PIK3C2B: variants seen among roughly 807,000 people sequenced by gnomAD.
The protein encoded by PIK3C2B is phosphatidylinositol-4-phosphate 3-kinase catalytic subunit type 2 beta.
PIK3C2B carries 83 observed loss-of-function variants against 184.3 expected under a neutral mutation model. That is an observed-to-expected ratio of 0.45 (90% CI 0.38 to 0.54). PIK3C2B has a LOEUF of 0.54. PIK3C2B is among the 20% of genes least tolerant of loss of function. The pLI is 0.00. For missense variants in PIK3C2B, 1,736 were observed against 2,113.5 expected (o/e 0.82, Z 3.50); for synonymous variants, 779 against 837.6 (o/e 0.93, Z 1.21).
rs188874209 is a variant in PIK3C2B, at chr1:204,433,207, A to G, written c.3953+109T>C. 34 of 640,104 alleles carry G rather than the reference A, an allele frequency of 5.3e-5. No homozygotes were observed. Among genetic ancestry groups the G allele is most frequent in the Admixed American group, 1.1e-4 (4 of 35,586 alleles). The allele number at this position is 640,104 out of a possible 1,614,324, so 39.7% of individuals were successfully genotyped here. On this transcript the variant is annotated intron_variant, in intron 26 of 32. Coordinates refer to ENST00000684373, the MANE Select transcript of PIK3C2B (RefSeq NM_001377334.1). The surrounding 1 kb of genome is among the most constrained non-coding windows in gnomAD (Gnocchi z 5.0). ...ATCCACGTGGTCAGCTCTAGGCTCTAGCATCTGAGCTAAGCTTTTCACCTT... is the reference window on the plus strand; with the variant it reads ...ATCCACGTGGTCAGCTCTAGGCTCTGGCATCTGAGCTAAGCTTTTCACCTT...
At chr1:204,464,362 C>A in intron 4 of PIK3C2B, 88 bp downstream of exon 4, 1 of 1,341,840 alleles carries the variant, frequency 7.5e-7, no homozygotes, top group South Asian at 1.4e-5. Flanking sequence ...ATCTGGGCCA[C>A]AAGATGAGGT....
Position 204,479,884 on chromosome 1 carries a change from T to C in PIK3C2B, c.-84-9998A>G, listed in dbSNP as rs1189956369. On this transcript the variant is annotated intron_variant, in intron 1 of 32. Transcript: ENST00000684373. ...AGTCCATAAAGCAAGTCCCAGCTGT[T>C]CCCATCCAGCCAGGGCACCAAAGTG... Among the ~76,000 whole-genome samples, 3 of 152,212 alleles carry C rather than the reference T, an allele frequency of 2.0e-5. No homozygotes were observed. In the East Asian group the frequency reaches 5.8e-4, roughly 29 times the overall value.
chr1:204,483,091 C>T (rs558066426), intron 1 of PIK3C2B, among the ~76,000 whole-genome samples: 1 of 152,294 alleles, frequency 6.6e-6, no homozygotes, highest in African/African-American at 2.4e-5. Flanking sequence ...TTCTCTTCCT[C>T]CTGCTTTCTC....
Position 204,464,559 on chromosome 1 carries a change from A to G in PIK3C2B, c.1080T>C (p.Tyr360=), listed in dbSNP as rs1411397381. 1 of 1,613,998 alleles carries G rather than the reference A, an allele frequency of 6.2e-7. No individual in the cohort carries two copies. The highest frequency in any genetic ancestry group is 1.3e-5 in the African/African-American group (1 of 74,928). The change falls in exon 4 of 33, where the codon TAT becomes TAC. Residue 360 remains tyrosine (Y), a synonymous_variant. Transcript: ENST00000684373. ...GGCTAGGGGTGACAGCACTCCAGAC[A>G]TAGCCAGTGAGGAAGTAGTCTTGGA... ...SDIQDYFLTG[Y]VWSAVTPSPE...
At chr1:204,436,597 G>A (rs1675357644) in intron 23 of PIK3C2B, among the ~76,000 whole-genome samples, 2 of 152,200 alleles carry the variant, frequency 1.3e-5, no homozygotes, top group African/African-American at 4.8e-5. Context: ...GAAAGACTGA[G>A]ATTAAACATG....
rs955079535 is a variant in PIK3C2B at position 204,434,420 on chromosome 1, G to T, written c.3686+19C>A. On this transcript the variant is annotated intron_variant, in intron 24 of 32. Coordinates refer to ENST00000684373, the MANE Select transcript of PIK3C2B (RefSeq NM_001377334.1). Reference sequence around the variant, plus strand: ...CTCCTTGCCCTTCACTCACAATCTGGCTTCAGGAGATCACTTACCGCTTGA... The same window carrying T: ...CTCCTTGCCCTTCACTCACAATCTGTCTTCAGGAGATCACTTACCGCTTGA... The T allele has an allele frequency of 6.2e-7, 1 of 1,612,430 alleles. No homozygotes were observed. The highest frequency in any genetic ancestry group is 1.3e-5 in the African/African-American group (1 of 74,896).
chr1:204,469,670 C>T lies in PIK3C2B; in HGVS notation c.133G>A (p.Glu45Lys). The T allele has an allele frequency of 2.5e-6, 4 of 1,614,044 alleles. No homozygotes were observed. Among genetic ancestry groups the T allele is most frequent in the Non-Finnish European group, 2.5e-6 (3 of 1,179,972 alleles). Residue 45 changes from glutamate to lysine, a missense_variant, in exon 2 of 33, where the codon GAG becomes AAG. Physicochemically the swap from Glu to Lys is moderately conservative, Grantham distance 56. Transcript: ENST00000684373. ...GCGTTCTGCTTGGCTCTGTTCTCCT[C>T]CTTGTCATGCCGGAGCCGGGACAGG... ...DALSRLRHDK[E>K]ENRAKQNADP...
chr1:204,447,562 G>A lies in PIK3C2B; in HGVS notation c.2363C>T (p.Ser788Leu), dbSNP rs752536285. The A allele has an allele frequency of 1.4e-5, 23 of 1,609,722 alleles. No homozygotes were observed. In the Admixed American group the frequency reaches 1.7e-4, roughly 12 times the overall value. The change falls in exon 15 of 33, where the codon TCG (serine) becomes TTG (leucine). Residue 788 changes from serine to leucine, a missense_variant. Ser to Leu is a moderately radical substitution (Grantham distance 145). Coordinates refer to ENST00000684373, the MANE Select transcript of PIK3C2B (RefSeq NM_001377334.1). This position sits in a 1 kb window ranked among gnomAD's most constrained non-coding sequence, Gnocchi z 4.1. ...GCTGGTGAACTTGATGTCAAAGGCC[G>A]AGGTGGGGAAGTCAATCTGGGGGAT... ...SVILQIDFPT[S>L]AFDIKFTSPP...
In PIK3C2B at chr1:204,446,084, C is replaced by T; in HGVS notation, c.2550G>A (p.Val850=). Residue 850 remains valine (V), a synonymous_variant, in exon 16 of 33, where the codon GTG becomes GTA. Coordinates refer to ENST00000684373, the MANE Select transcript of PIK3C2B (RefSeq NM_001377334.1). Reference sequence around the variant, plus strand: ...TGGCGAGCACCAGGGGGAGCGAGCTCACCTCCGAGTGGCAGTAATATCGCT... The same window carrying T: ...TGGCGAGCACCAGGGGGAGCGAGCTTACCTCCGAGTGGCAGTAATATCGCT... ...WEKRYYCHSE[V]SSLPLVLASA... is the part of the protein sequence containing the mutation. The T allele has an allele frequency of 6.3e-7, 1 of 1,598,264 alleles. No individual in the cohort carries two copies. The highest frequency in any genetic ancestry group is 2.3e-5 in the East Asian group (1 of 44,368).
chr1:204,432,123 G>T, intron 27 of PIK3C2B, 77 bp downstream of exon 27: 1 of 1,320,144 alleles, frequency 7.6e-7, no homozygotes, highest in Non-Finnish European at 1.1e-6. Context: ...CTGTGCAAGT[G>T]TGGAAAAAGT....
At chr1:204,477,459 A>G (rs1204002464) in intron 1 of PIK3C2B, among the ~76,000 whole-genome samples, 1 of 152,266 alleles carries the variant, frequency 6.6e-6, no homozygotes, top group Non-Finnish European at 1.5e-5. Context: ...GAGCTGCACC[A>G]GGCACCAAAC....
intron 9 of PIK3C2B, among the ~76,000 whole-genome samples, chr1:204,457,431 C>T (rs945695548): frequency 6.6e-6 from 1 of 152,208 alleles, no homozygotes; most frequent in South Asian, 2.1e-4. Flanking sequence ...TTTTTGCACC[C>T]TGATGGATAT....
intron 3 of PIK3C2B, 25 bp downstream of exon 3, chr1:204,465,169 CCCCATCCCCCATAGCCCTCCCAAAT>C: frequency 1.3e-6 from 1 of 760,070 alleles, no homozygotes; most frequent in Non-Finnish European, 2.3e-6. Flanking sequence ...TGGCCCCCCT[CCCCATCCCCCATAGCCCTCCCAAAT>C]CCCACCCCAT....
Position 204,464,541 on chromosome 1 carries a change from G to A in PIK3C2B, c.1098C>T (p.Thr366=). The A allele has an allele frequency of 2.5e-6, 4 of 1,613,962 alleles. No homozygotes were observed. In the South Asian group the frequency reaches 4.4e-5, roughly 18 times the overall value. The change falls in exon 4 of 33, where the codon ACC becomes ACT. Residue 366 remains threonine (T), a synonymous_variant. Transcript: ENST00000684373. Reference sequence around the variant, plus strand: ...CATCCCCGAGGTGCTCTGGGCTAGGGGTGACAGCACTCCAGACATAGCCAG... The same window carrying A: ...CATCCCCGAGGTGCTCTGGGCTAGGAGTGACAGCACTCCAGACATAGCCAG... ...FLTGYVWSAV[T]PSPEHLGDEV... is the part of the protein sequence containing the mutation.
intron 22 of PIK3C2B, 92 bp downstream of exon 22, chr1:204,440,100 C>G (rs968391185): frequency 2.3e-4 from 319 of 1,358,124 alleles, no homozygotes; most frequent in Non-Finnish European, 2.9e-4. Context: ...TTTCACTTTC[C>G]TGGAGGAGGA....
chr1:204,458,697 T>A (rs1655072473), intron 8 of PIK3C2B, among the ~76,000 whole-genome samples: 1 of 152,094 alleles, frequency 6.6e-6, no homozygotes, highest in Non-Finnish European at 1.5e-5. Flanking sequence ...CTTCACCATG[T>A]TGGCCAGGCT....
Position 204,433,619 on chromosome 1 carries a change from GA to G in PIK3C2B, c.3843+173del, listed in dbSNP as rs1315938437. Among the ~76,000 whole-genome samples, 4 of 152,200 alleles carry G rather than the reference GA, an allele frequency of 2.6e-5. No homozygotes were observed. The highest frequency in any genetic ancestry group is 9.7e-5 in the African/African-American group (4 of 41,446). ...GAGCAGGGAGTCAGGCACCTACACAGACATCATTGTCCTCAGGTAGTCTGGG... is the reference window on the plus strand; with the variant it reads ...GAGCAGGGAGTCAGGCACCTACACAGCATCATTGTCCTCAGGTAGTCTGGG... On this transcript the variant is annotated intron_variant, in intron 25 of 32. Transcript: ENST00000684373. This position sits in a 1 kb window ranked among gnomAD's most constrained non-coding sequence, Gnocchi z 5.0.
At chr1:204,461,692 G>A (rs1478873690) in intron 5 of PIK3C2B, among the ~76,000 whole-genome samples, 2 of 152,126 alleles carry the variant, frequency 1.3e-5, no homozygotes, top group Non-Finnish European at 2.9e-5. Context: ...TCAGATCTAA[G>A]ACTGAAGTGC....
chr1:204,434,902 C>T (rs1000098724), intron 23 of PIK3C2B, among the ~76,000 whole-genome samples: 11 of 152,226 alleles, frequency 7.2e-5, no homozygotes, highest in African/African-American at 2.7e-4. Context: ...GTTGGAAAGA[C>T]AGTGGACTGA....
Sources: allele counts gnomAD v4.1 joint callset (sites outside exome capture counted in the v4.1 genomes callset), GRCh38; gene constraint gnomAD v4.1.1; non-coding constraint Gnocchi (gnomAD v3.1); transcripts MANE v1.5; gene names NCBI Gene and HGNC (gene_info 2026-07-23, HGNC 2026-07-21).